ABCD2: variants seen among roughly 807,000 people sequenced by gnomAD.
ABCD2 encodes the protein ATP binding cassette subfamily D member 2.
In ABCD2, 36 loss-of-function variants were observed where a neutral mutation model predicts 70.9. The ratio of observed to expected loss-of-function variants is 0.51; its 90% CI spans 0.39 to 0.67. ABCD2 has a LOEUF of 0.67. Among genes scored for constraint, ABCD2 ranks in the 30% least tolerant of loss-of-function variants. The pLI is 0.00. For missense variants in ABCD2, 729 were observed against 890.2 expected (o/e 0.82, Z 2.30); for synonymous variants, 304 against 306.9 (o/e 0.99, Z 0.10).
downstream of ABCD2, among the ~76,000 whole-genome samples, chr12:39,546,208 GGAGT>G (rs1270885372): frequency 1.3e-5 from 2 of 151,980 alleles, no homozygotes; most frequent in East Asian, 1.9e-4. Context: ...AGAATATGAA[GGAGT>G]GAGTGCACTT....
At chr12:39,569,014 G>C (rs1043017460) in intron 9 of ABCD2, among the ~76,000 whole-genome samples, 1 of 152,168 alleles carries the variant, frequency 6.6e-6, no homozygotes, top group African/African-American at 2.4e-5. Flanking sequence ...GTACCCAGCT[G>C]TGTGTGGTGT....
chr12:39,542,378 G>T, the ABCD2 span, among the ~76,000 whole-genome samples: 11 of 151,484 alleles, frequency 7.3e-5, no homozygotes, highest in African/African-American at 2.2e-4. Flanking sequence ...CAAGAGAATC[G>T]CTTGAACCCG....
chr12:39,579,962 CAT>C (rs1388228461), intron 7 of ABCD2, among the ~76,000 whole-genome samples: 2 of 152,104 alleles, frequency 1.3e-5, no homozygotes, highest in Non-Finnish European at 2.9e-5. Flanking sequence ...AACAAATTTT[CAT>C]ATGTCAATTA....
intron 2 of ABCD2, among the ~76,000 whole-genome samples, chr12:39,610,212 G>A (rs1942026785): frequency 6.6e-6 from 1 of 152,178 alleles, no homozygotes; most frequent in African/African-American, 2.4e-5. Flanking sequence ...GTCAAGCACT[G>A]ATTTCATGGA....
At chr12:39,578,473 C>CA (rs397850133) in intron 8 of ABCD2, among the ~76,000 whole-genome samples, 7,821 of 66,776 alleles carry the variant, frequency 0.12, 1,174 homozygotes, top group African/African-American at 0.37. Context: ...GACTCCGTCT[C>CA]AAAAAAAAAA....
intron 9 of ABCD2, among the ~76,000 whole-genome samples, chr12:39,559,378 C>CA (rs199560381): frequency 0.15 from 7,971 of 54,818 alleles, 209 homozygotes; most frequent in East Asian, 0.27. Flanking sequence ...ACTCCAGCTC[C>CA]AAAAAAAAAA....
intron 3 of ABCD2, among the ~76,000 whole-genome samples, chr12:39,606,330 G>T (rs974072411): frequency 6.6e-6 from 1 of 152,186 alleles, no homozygotes; most frequent in African/African-American, 2.4e-5. Context: ...AGCAGAGAAG[G>T]CATGGTGGGT....
chr12:39,607,741 T>C, intron 2 of ABCD2, 27 bp from the exon 3 acceptor site: 1 of 1,367,646 alleles, frequency 7.3e-7, no homozygotes, highest in Non-Finnish European at 1.0e-6. Flanking sequence ...ATTACAAAAC[T>C]TGAGTTTTTT....
At chr12:39,536,276 T>C in the ABCD2 span, among the ~76,000 whole-genome samples, 1 of 152,198 alleles carries the variant, frequency 6.6e-6, no homozygotes, top group African/African-American at 2.4e-5. Flanking sequence ...TTAAATAATG[T>C]TGCTTTGATA....
chr12:39,536,769 CCT>C, the ABCD2 span, among the ~76,000 whole-genome samples: 2 of 152,076 alleles, frequency 1.3e-5, no homozygotes, highest in African/African-American at 2.4e-5. Context: ...ATTTTATACC[CCT>C]GTGTTCCATT....
downstream of ABCD2, among the ~76,000 whole-genome samples, chr12:39,546,208 G>A (rs1340115101): frequency 2.6e-5 from 4 of 151,980 alleles, no homozygotes; most frequent in Admixed American, 6.6e-5. Flanking sequence ...AGAATATGAA[G>A]GAGTGAGTGC....
chr12:39,619,297 G>T lies in ABCD2; in HGVS notation c.319C>A (p.Leu107Ile), dbSNP rs778894311. 5 of 1,614,156 alleles carry T rather than the reference G, an allele frequency of 3.1e-6. No homozygotes were observed. The South Asian group carries it at 4.4e-5, about 14-fold the overall frequency. Residue 107 changes from leucine to isoleucine, a missense_variant, in exon 1 of 10, where the codon CTC becomes ATC. Transcript: ENST00000308666. ...ATTAGAGCCACTGAGTGCAGGCAGA[G>T]CCACCCTGTTTCAGTGGTCACAAGT... ...PKLVTTETGW[L>I]CLHSVALISR...
intron 7 of ABCD2, among the ~76,000 whole-genome samples, chr12:39,581,018 CAT>C (rs1941588939): frequency 1.3e-5 from 2 of 152,218 alleles, no homozygotes; most frequent in South Asian, 4.1e-4. Context: ...GATGAAATAA[CAT>C]ATATTAACTG....
the ABCD2 span, chr12:39,539,911 T>C: frequency 6.6e-6 from 1 of 152,636 alleles, no homozygotes; most frequent in Non-Finnish European, 1.5e-5. Context: ...CACCAAGGTT[T>C]CCTGCTTTCT....
At chr12:39,612,926 C>A (rs963824556) in intron 2 of ABCD2, among the ~76,000 whole-genome samples, 4 of 152,168 alleles carry the variant, frequency 2.6e-5, no homozygotes, top group African/African-American at 4.8e-5. Flanking sequence ...AGATCACAAA[C>A]ATGTTGACAT....
At chr12:39,604,218 CT>C (rs774568051) in intron 4 of ABCD2, among the ~76,000 whole-genome samples, 7 of 151,898 alleles carry the variant, frequency 4.6e-5, no homozygotes, top group Non-Finnish European at 7.4e-5. Context: ...CTTGAAAAAT[CT>C]TTCTGAGAAA....
intron 3 of ABCD2, among the ~76,000 whole-genome samples, chr12:39,605,616 A>G (rs1445820602): frequency 2.0e-5 from 3 of 152,002 alleles, no homozygotes; most frequent in East Asian, 3.9e-4. Context: ...CCTTGTTCCT[A>G]TTCTCTCAGC....
At position 39,554,001 on chromosome 12, in the gene ABCD2, T is replaced by G. The variant is rs752634658; in HGVS notation, c.2134A>C (p.Lys712Gln). ...KLESQLAGIP[K>Q]MQQRLNELCK... ...AGTTCATTGAGTCTCTGCTGCATTT[T>G]GGGAATTCCAGCTAGCTGAGATTCT... is the stretch of plus-strand genomic sequence containing the variant. The change falls in exon 10 of 10, where the codon AAA (lysine) becomes CAA (glutamine). Residue 712 changes from lysine to glutamine, a missense_variant. Transcript: ENST00000308666. 5.0e-6 allele frequency: 8 copies of G among 1,613,418 alleles called. No homozygotes were observed. In the East Asian group the frequency reaches 1.8e-4, roughly 36 times the overall value.
At position 39,607,658 on chromosome 12, in the gene ABCD2, G is replaced by T. The variant is rs1566584235; in HGVS notation, c.1177C>A (p.Arg393=). Residue 393 remains arginine (R), a synonymous_variant, in exon 3 of 10, where the codon CGA becomes AGA. Coordinates refer to ENST00000308666, the MANE Select transcript of ABCD2 (RefSeq NM_005164.4). ...SERTEAFTTA[R]NLLASGADAI... ...TCAGCTCCAGAGGCCAGTAAATTTC[G>T]AGCAGTGGTAAAGGCTTCTGTCCGT... The T allele has an allele frequency of 1.9e-6, 3 of 1,613,122 alleles. No homozygotes were observed. Among genetic ancestry groups the T allele is most frequent in the Non-Finnish European group, 2.5e-6 (3 of 1,179,802 alleles).
Sources: gnomAD v4.1 joint callset for allele counts (sites outside exome capture counted in the v4.1 genomes callset) on GRCh38, gnomAD v4.1.1 for gene constraint, MANE v1.5 for transcripts, NCBI Gene and HGNC (gene_info 2026-07-23, HGNC 2026-07-21) for gene names.